The following IRF2 variants were observed in gnomAD, a reference collection of about 807,000 sequenced individuals.
IRF2 encodes the protein interferon regulatory factor 2.
In IRF2, 15 loss-of-function variants were observed where a neutral mutation model predicts 40.6. That is an observed-to-expected ratio of 0.37 (90% CI 0.25 to 0.57). IRF2 has a LOEUF of 0.57. Among genes scored for constraint, IRF2 ranks in the 20% least tolerant of loss-of-function variants. IRF2 has a pLI of 0.77. For synonymous variants in IRF2, 151 were observed against 165.5 expected (o/e 0.91, Z 0.67); for missense variants, 317 against 455.7 (o/e 0.70, Z 2.77).
At chr4:184,439,344 G>A (rs372614540) in intron 1 of IRF2, among the ~76,000 whole-genome samples, 20 of 142,858 alleles carry the variant, frequency 1.4e-4, no homozygotes, top group South Asian at 2.2e-4. Context: ...GGGGCGGAGC[G>A]GGGGTACTTA....
intron 1 of IRF2, among the ~76,000 whole-genome samples, chr4:184,437,274 TCTTGAACTCTTGACCTGATGATC>T (rs1738116318): frequency 6.6e-6 from 1 of 152,182 alleles, no homozygotes; most frequent in African/African-American, 2.4e-5. Flanking sequence ...GTCAGGCTGG[TCTTGAACTCTTGACCTGATGATC>T]CACCTGCTTT....
rs75084568 is a variant in IRF2 at position 184,466,682 on chromosome 4, C to T, written c.-7+7697G>A. On this transcript the variant is annotated intron_variant, in intron 1 of 8. Coordinates refer to ENST00000393593, the MANE Select transcript of IRF2 (RefSeq NM_002199.4). Reference sequence around the variant, plus strand: ...ACATAGTGAGTATCAGTTTCCCCATCCCCAAACAATGCATCAACATCAGCA... The same window carrying T: ...ACATAGTGAGTATCAGTTTCCCCATTCCCAAACAATGCATCAACATCAGCA... 3.7e-4 allele frequency among the ~76,000 whole-genome samples: 57 copies of T among 152,318 alleles called. No homozygotes were observed. In the East Asian group the frequency reaches 9.5e-3, roughly 25 times the overall value.
rs747554925 is a variant in IRF2, at chr4:184,449,374, T to G, written c.-6-20304A>C. Among the ~76,000 whole-genome samples, 31 of 152,210 alleles carry G rather than the reference T, an allele frequency of 2.0e-4. 1 individual carries two copies. Among genetic ancestry groups the G allele is most frequent in the Admixed American group, 1.2e-3 (18 of 15,282 alleles). ...CAAAGTCACTTGACAGCAAACCTTC[T>G]CCATTTCACCAGGCCAGGCCCCCAA... On this transcript the variant is annotated intron_variant, in intron 1 of 8. Transcript: ENST00000393593.
chr4:184,413,553 C>T lies in IRF2; in HGVS notation c.411+4614G>A, dbSNP rs780234635. Among the ~76,000 whole-genome samples, 1 of 152,198 alleles carries T rather than the reference C, an allele frequency of 6.6e-6. No homozygotes were observed. Among genetic ancestry groups the T allele is most frequent in the Non-Finnish European group, 1.5e-5 (1 of 68,034 alleles). Reference sequence around the variant, plus strand: ...GAGTGTGCTGTGTTTTAATCCAGCTCAGGTCACTGTTAGAGCCAACAGCTC... The same window carrying T: ...GAGTGTGCTGTGTTTTAATCCAGCTTAGGTCACTGTTAGAGCCAACAGCTC... On this transcript the variant is annotated intron_variant, in intron 5 of 8. Coordinates refer to ENST00000393593, the MANE Select transcript of IRF2 (RefSeq NM_002199.4). The surrounding 1 kb of genome is among the most constrained non-coding windows in gnomAD (Gnocchi z 4.2).
chr4:184,472,653 A>C (rs13114727), intron 1 of IRF2: 3,802 of 152,278 alleles, frequency 0.025, 65 homozygotes, highest in Non-Finnish European at 0.042. Context: ...GACAAGGAGC[A>C]ACCGGAGGGA....
At chr4:184,457,792 T>C (rs1051262404) in intron 1 of IRF2, among the ~76,000 whole-genome samples, 1 of 151,910 alleles carries the variant, frequency 6.6e-6, no homozygotes, top group Admixed American at 6.6e-5. Flanking sequence ...TAACAGTCAT[T>C]AGCTATCATT....
chr4:184,417,858 T>G (rs770857893), intron 5 of IRF2, among the ~76,000 whole-genome samples: 2 of 152,062 alleles, frequency 1.3e-5, no homozygotes, highest in East Asian at 1.9e-4. Context: ...TGTTGTGGAG[T>G]TTAGCTGGCA....
chr4:184,398,832 T>C, intron 7 of IRF2, 83 bp downstream of exon 7: 1 of 1,259,664 alleles, frequency 7.9e-7, no homozygotes. Context: ...GGATGCTCCG[T>C]GGGGTGGTGA....
At chr4:184,420,418 G>A (rs1464334240) in intron 2 of IRF2, among the ~76,000 whole-genome samples, 2 of 152,138 alleles carry the variant, frequency 1.3e-5, no homozygotes, top group Non-Finnish European at 1.5e-5. Context: ...AGTAATGTTC[G>A]AATCCCTGTG....
In IRF2 at chr4:184,390,849, C is replaced by T. The variant is rs544399122; in HGVS notation, c.695-100G>A. On this transcript the variant is annotated intron_variant, in intron 7 of 8. Transcript: ENST00000393593. ...AAAAAGGAGACTGAGTAACTAAACG[C>T]ATCACCTCCCTCCCTTTGTAAAGCG... 4.1e-4 allele frequency: 455 copies of T among 1,123,324 alleles called. 1 individual carries two copies. The highest frequency in any genetic ancestry group is 3.2e-4 in the Admixed American group (18 of 56,280). The allele number at this position is 1,123,324 out of a possible 1,614,324, so 69.6% of individuals were successfully genotyped here. A position where few individuals can be genotyped will look rare whatever the true frequency, so the allele number is the denominator to read the frequency against.
intron 6 of IRF2, among the ~76,000 whole-genome samples, chr4:184,399,376 C>T (rs186528089): frequency 1.6e-4 from 25 of 152,336 alleles, no homozygotes; most frequent in African/African-American, 5.1e-4. Context: ...CCGTCACAGC[C>T]GAGGCCACAG....
chr4:184,419,373 C>T (rs1190081205), intron 3 of IRF2, 96 bp downstream of exon 3: 2 of 850,166 alleles, frequency 2.4e-6, no homozygotes, highest in East Asian at 4.9e-5. Flanking sequence ...TCAGAGCCAT[C>T]TTCATGAGGT....
chr4:184,418,497 T>A, intron 4 of IRF2, 35 bp downstream of exon 4: 1 of 1,592,010 alleles, frequency 6.3e-7, no homozygotes, highest in Non-Finnish European at 8.6e-7. Flanking sequence ...TGACACAAAT[T>A]GATTTACCTT....
chr4:184,464,798 C>A (rs1346389756), intron 1 of IRF2, among the ~76,000 whole-genome samples: 2 of 152,140 alleles, frequency 1.3e-5, no homozygotes, highest in East Asian at 1.9e-4. Flanking sequence ...ACCCCTGGAA[C>A]CTTTTCATCC....
Position 184,413,929 on chromosome 4 carries a change from T to C in IRF2, c.411+4238A>G, listed in dbSNP as rs1401373772. Among the ~76,000 whole-genome samples the C allele has an allele frequency of 1.3e-5, 2 of 152,210 alleles. No homozygotes were observed. Among genetic ancestry groups the C allele is most frequent in the African/African-American group, 4.8e-5 (2 of 41,436 alleles). ...CCAACTGTAATCTCCAGGCCTTCATTCCTGATGCCCCTAGTGCTGCGGAAG... is the reference window on the plus strand; with the variant it reads ...CCAACTGTAATCTCCAGGCCTTCATCCCTGATGCCCCTAGTGCTGCGGAAG... On this transcript the variant is annotated intron_variant, in intron 5 of 8. Transcript: ENST00000393593. This position sits in a 1 kb window ranked among gnomAD's most constrained non-coding sequence, Gnocchi z 4.2.
chr4:184,454,797 A>T (rs1270398337), intron 1 of IRF2, among the ~76,000 whole-genome samples: 1 of 152,210 alleles, frequency 6.6e-6, no homozygotes, highest in Non-Finnish European at 1.5e-5. Flanking sequence ...CTCATCACTA[A>T]ACAGAGATCT....
intron 2 of IRF2, among the ~76,000 whole-genome samples, chr4:184,423,569 G>T (rs1737559471): frequency 6.6e-6 from 1 of 152,124 alleles, no homozygotes; most frequent in Non-Finnish European, 1.5e-5. Context: ...AAAAGGGAAA[G>T]ATCTGATGAT....
At position 184,410,458 on chromosome 4, in the gene IRF2, C is replaced by T. The variant is rs539521245; in HGVS notation, c.412-2183G>A. Among the ~76,000 whole-genome samples, 8 of 152,324 alleles carry T rather than the reference C, an allele frequency of 5.3e-5. No homozygotes were observed. The South Asian group carries it at 8.3e-4, about 16-fold the overall frequency. ...GATGGACCATGCTATCCCTCCATGG[C>T]GGCCTGAACTGTCTGACACTGCTGC... is the stretch of plus-strand genomic sequence containing the variant. On this transcript the variant is annotated intron_variant, in intron 5 of 8. Coordinates refer to ENST00000393593, the MANE Select transcript of IRF2 (RefSeq NM_002199.4).
chr4:184,400,942 TCAA>T (rs746176080), intron 6 of IRF2, among the ~76,000 whole-genome samples: 3 of 152,256 alleles, frequency 2.0e-5, no homozygotes, highest in Non-Finnish European at 4.4e-5. Flanking sequence ...GCCACCATCA[TCAA>T]CGTTTTACTC....
Sources: gnomAD v4.1 joint callset for allele counts (sites outside exome capture counted in the v4.1 genomes callset) on GRCh38, gnomAD v4.1.1 for gene constraint, Gnocchi (gnomAD v3.1) non-coding constraint, MANE v1.5 for transcripts, NCBI Gene and HGNC (gene_info 2026-07-23, HGNC 2026-07-21) for gene names.